The following OXR1 variants were observed in gnomAD, a reference collection of about 807,000 sequenced individuals.
OXR1 encodes oxidation resistance protein 1.
In OXR1, 41 loss-of-function variants were observed where a neutral mutation model predicts 104.6. The observed-to-expected ratio is 0.39, with a 90% CI of 0.31 to 0.51. The LOEUF (loss-of-function observed/expected upper bound fraction) is 0.51, where lower values mean the gene tolerates loss of function less well. Ranked by LOEUF, OXR1 falls within the 20% of genes least tolerant of loss-of-function variation. OXR1 has a pLI of 0.77. For synonymous variants in OXR1, 348 were observed against 348.4 expected (o/e 1.00, Z 0.01); for missense variants, 955 against 1,031.9 (o/e 0.93, Z 1.02).
chr8:106,498,751 C>G (rs1433183500), intron 2 of OXR1, among the ~76,000 whole-genome samples: 6 of 152,112 alleles, frequency 3.9e-5, no homozygotes, highest in Non-Finnish European at 7.4e-5. Context: ...CACTTAAAAA[C>G]TTTAAAAAAA....
chr8:106,553,331 T>A (rs1031000755), intron 3 of OXR1, among the ~76,000 whole-genome samples: 1 of 151,678 alleles, frequency 6.6e-6, no homozygotes, highest in Non-Finnish European at 1.5e-5. Flanking sequence ...TTTTTTTTTT[T>A]TTTTCCAGAC....
intron 9 of OXR1, 22 bp downstream of exon 9, chr8:106,707,167 AAGTT>A: frequency 6.2e-7 from 1 of 1,607,318 alleles, no homozygotes; most frequent in Non-Finnish European, 8.5e-7. Flanking sequence ...AGAGTAAATG[AAGTT>A]AGTTCATCCA....
intron 10 of OXR1, among the ~76,000 whole-genome samples, chr8:106,713,041 G>A (rs1031492116): frequency 6.6e-6 from 1 of 151,942 alleles, no homozygotes; most frequent in Non-Finnish European, 1.5e-5. Context: ...AAAAAGGTAA[G>A]ATGTTACATT....
At chr8:106,470,454 G>T (rs1821426630) in intron 2 of OXR1, among the ~76,000 whole-genome samples, 1 of 151,742 alleles carries the variant, frequency 6.6e-6, no homozygotes, top group South Asian at 2.1e-4. Context: ...TGAAAAAATG[G>T]ACTTGCCACC....
At chr8:106,375,724 T>G (rs1816882096) in intron 2 of OXR1, among the ~76,000 whole-genome samples, 1 of 152,166 alleles carries the variant, frequency 6.6e-6, no homozygotes, top group Admixed American at 6.5e-5. Context: ...AGCTAGGCCT[T>G]GGAACAGAGA....
Position 106,536,694 on chromosome 8 carries a change from G to T in OXR1, c.220+17555G>T, listed in dbSNP as rs1336971162. On this transcript the variant is annotated intron_variant, in intron 3 of 16. Coordinates refer to ENST00000517566, the MANE Select transcript of OXR1 (RefSeq NM_001198533.2). ...TGGGTTAGCCAGCCATTTTTAAATA[G>T]GTGGTGCTGGGTCACTCAAAGCAAA... 2.6e-5 allele frequency among the ~76,000 whole-genome samples: 4 copies of T among 152,150 alleles called. No homozygotes were observed. The East Asian group carries it at 7.7e-4, about 29-fold the overall frequency.
Position 106,432,145 on chromosome 8 carries a change from A to G in OXR1, c.23+72509A>G, listed in dbSNP as rs76008155. The stretch of plus-strand genomic sequence containing the variant: ...CCTGCCCTTGCTACTTCCCTAGTGC[A>G]TCCCCGATCTTTTCTCAGAATTACT... On this transcript the variant is annotated intron_variant, in intron 2 of 16. Coordinates refer to ENST00000517566, the MANE Select transcript of OXR1 (RefSeq NM_001198533.2). 4.1e-3 allele frequency among the ~76,000 whole-genome samples: 622 copies of G among 152,272 alleles called. 3 individuals are homozygous for G. Among genetic ancestry groups the G allele is most frequent in the African/African-American group, 0.014 (590 of 41,556 alleles).
chr8:106,505,199 C>A (rs2129981507), intron 2 of OXR1, among the ~76,000 whole-genome samples: 1 of 152,162 alleles, frequency 6.6e-6, no homozygotes, highest in Non-Finnish European at 1.5e-5. Context: ...GTGACTGAGC[C>A]AAACTAAGAA....
chr8:106,273,518 G>A (rs943335500), intron 1 of OXR1, among the ~76,000 whole-genome samples: 6 of 152,184 alleles, frequency 3.9e-5, no homozygotes, highest in South Asian at 2.1e-4. Flanking sequence ...CAGGGATGCT[G>A]TGAACATTCT....
chr8:106,633,825 G>C (rs1256482534), intron 3 of OXR1, among the ~76,000 whole-genome samples: 1 of 152,242 alleles, frequency 6.6e-6, no homozygotes. Context: ...TCCTTCTCTA[G>C]CTTCTTAGAT....
chr8:106,425,218 C>G (rs1819064886), intron 2 of OXR1, among the ~76,000 whole-genome samples: 2 of 150,846 alleles, frequency 1.3e-5, no homozygotes, highest in African/African-American at 4.9e-5. Context: ...ATCCTCCTGC[C>G]TCTTTTTTCT....
chr8:106,509,378 C>T (rs1812373071), intron 2 of OXR1, among the ~76,000 whole-genome samples: 1 of 152,176 alleles, frequency 6.6e-6, no homozygotes, highest in African/African-American at 2.4e-5. Context: ...TCAGAAAGCA[C>T]ATGAGGGAAA....
intron 11 of OXR1, among the ~76,000 whole-genome samples, chr8:106,726,583 G>GT (rs1162821854): frequency 2.0e-5 from 3 of 152,126 alleles, no homozygotes; most frequent in African/African-American, 4.8e-5. Flanking sequence ...TTGCCTTAAT[G>GT]TTTTTTATTT....
chr8:106,317,749 ACTCT>A (rs1005661869), intron 1 of OXR1, among the ~76,000 whole-genome samples: 2 of 147,848 alleles, frequency 1.4e-5, no homozygotes, highest in African/African-American at 2.5e-5. Context: ...TTGTAGGAAA[ACTCT>A]CTCTCATTCT....
chr8:106,363,028 C>G (rs916023925), intron 2 of OXR1, among the ~76,000 whole-genome samples: 2 of 152,160 alleles, frequency 1.3e-5, no homozygotes, highest in Non-Finnish European at 2.9e-5. Flanking sequence ...TAATTTTGGT[C>G]CCCAAATCTG....
Position 106,359,618 on chromosome 8 carries a change from C to T in OXR1, c.5C>T (p.Ser2Phe). 1 of 1,548,868 alleles carries T rather than the reference C, an allele frequency of 6.5e-7. No homozygotes were observed. The highest frequency in any genetic ancestry group is 8.7e-7 in the Non-Finnish European group (1 of 1,144,184). M[S>F]VSNLSWLKKK... ...ACTCCTCAACAAGTTGCTGCAATGT[C>T]TGTGTCTAATCTATCATGGTGAGTG... is the stretch of plus-strand genomic sequence containing the variant. Residue 2 changes from serine (S) to phenylalanine (F), a missense_variant, in exon 2 of 17, where the codon TCT becomes TTT. Physicochemically the swap from Ser to Phe is radical, Grantham distance 155. Around this residue, in one of 2 missense-constraint regions of OXR1, gnomAD observed 849 missense variants for 852.9 expected, o/e 1.00. Coordinates refer to ENST00000517566, the MANE Select transcript of OXR1 (RefSeq NM_001198533.2).
intron 2 of OXR1, among the ~76,000 whole-genome samples, chr8:106,459,030 A>G (rs1416178303): frequency 2.0e-5 from 3 of 152,056 alleles, no homozygotes; most frequent in Non-Finnish European, 4.4e-5. Flanking sequence ...TGCTGGAATG[A>G]GTTAAGACTT....
chr8:106,382,514 A>T (rs1430010605), intron 2 of OXR1, among the ~76,000 whole-genome samples: 1 of 152,036 alleles, frequency 6.6e-6, no homozygotes, highest in East Asian at 1.9e-4. Context: ...TCCCAGTCAC[A>T]GGCCTTCTGA....
At chr8:106,441,778 C>A (rs1265265878) in intron 2 of OXR1, among the ~76,000 whole-genome samples, 1 of 152,172 alleles carries the variant, frequency 6.6e-6, no homozygotes, top group Non-Finnish European at 1.5e-5. Flanking sequence ...TATCCTGAGA[C>A]TTTGCTGAAG....
Sources: allele counts gnomAD v4.1 joint callset (sites outside exome capture counted in the v4.1 genomes callset), GRCh38; gene constraint gnomAD v4.1.1; regional missense constraint gnomAD v4.1.1; transcripts MANE v1.5; gene names NCBI Gene and HGNC (gene_info 2026-07-23, HGNC 2026-07-21).